TRIML2: variants seen among roughly 807,000 people sequenced by gnomAD.
TRIML2 encodes the protein probable E3 ubiquitin-protein ligase TRIML2.
TRIML2 carries 28 observed loss-of-function variants against 31.2 expected under a neutral mutation model. The observed-to-expected ratio is 0.90, with a 90% CI of 0.66 to 1.23. TRIML2 has a LOEUF of 1.23. Ranked by LOEUF, TRIML2 falls within the 50% of genes most tolerant of loss-of-function variation. The pLI is 0.00. For synonymous variants in TRIML2, 187 were observed against 197.5 expected (o/e 0.95, Z 0.45); for missense variants, 536 against 528.3 (o/e 1.01, Z -0.14).
chr4:188,095,437 C>A (rs923479998), intron 7 of TRIML2, among the ~76,000 whole-genome samples: 2 of 151,996 alleles, frequency 1.3e-5, no homozygotes, highest in African/African-American at 4.8e-5. Context: ...GACATACAAC[C>A]CAATTTAGAA....
chr4:188,107,189 T>C lies in TRIML2; in HGVS notation c.-222-1599A>G, dbSNP rs553951232. ...GAAACCACACCCAGCTAATTTTTTG[T>C]ATTTTTAGTAGAGACGGGGTTTCAC... On this transcript the variant is annotated intron_variant, in intron 1 of 7. Coordinates refer to ENST00000682553, the MANE Select transcript of TRIML2 (RefSeq NM_173553.4). Among the ~76,000 whole-genome samples the C allele has an allele frequency of 5.9e-5, 9 of 152,196 alleles. No homozygotes were observed. In the South Asian group the frequency reaches 1.9e-3, roughly 32 times the overall value.
chr4:188,091,926 T>G lies in TRIML2; in HGVS notation c.761A>C (p.Asp254Ala), dbSNP rs778973699. ...FRVLQRHLTL[D>A]PETAHPCLAL... is the part of the protein sequence containing the mutation. Reference sequence around the variant, plus strand: ...CAGGCAGGGATGAGCTGTTTCAGGATCCAATGTTAAATGTCCTATCAGGAG... The same window carrying G: ...CAGGCAGGGATGAGCTGTTTCAGGAGCCAATGTTAAATGTCCTATCAGGAG... Residue 254 changes from aspartate to alanine, a missense_variant, in exon 8 of 8, where the codon GAT (aspartate) becomes GCT (alanine). Physicochemically the swap from Asp to Ala is moderately radical, Grantham distance 126. Coordinates refer to ENST00000682553, the MANE Select transcript of TRIML2 (RefSeq NM_173553.4). 4 of 1,610,168 alleles carry G rather than the reference T, an allele frequency of 2.5e-6. No homozygotes were observed. Among genetic ancestry groups the G allele is most frequent in the Admixed American group, 3.3e-5 (2 of 59,990 alleles).
rs1210568275 is a variant in TRIML2, at chr4:188,101,130, G to C, written c.406C>G (p.Leu136Val). The change falls in exon 4 of 8, where the codon CTG becomes GTG. Residue 136 changes from leucine to valine, a missense_variant. Coordinates refer to ENST00000682553, the MANE Select transcript of TRIML2 (RefSeq NM_173553.4). ...GCTTGATTCAGAAGGGTTTCTCTCA[G>C]GTTCAAGTCAGATATGCATTCCTGC... ...RQQECISDLN[L>V]RETLLNQAIK... 6.2e-7 allele frequency: 1 copy of C among 1,613,772 alleles called. No homozygotes were observed. The highest frequency in any genetic ancestry group is 8.5e-7 in the Non-Finnish European group (1 of 1,179,920).
At chr4:188,092,033 T>G in intron 7 of TRIML2, 92 bp from the exon 8 acceptor site, 3 of 1,340,592 alleles carry the variant, frequency 2.2e-6, no homozygotes, top group Non-Finnish European at 3.0e-6. Context: ...TCCCACTGAG[T>G]GGGCACAAGT....
At chr4:188,097,297 C>A (rs768125420) in intron 6 of TRIML2, 27 bp downstream of exon 6, 2 of 1,612,950 alleles carry the variant, frequency 1.2e-6, no homozygotes, top group Non-Finnish European at 1.7e-6. Flanking sequence ...TGATTCTCAC[C>A]CAATTGTATC....
At chr4:188,107,216 G>A (rs1489533754) in intron 1 of TRIML2, among the ~76,000 whole-genome samples, 3 of 152,134 alleles carry the variant, frequency 2.0e-5, no homozygotes, top group South Asian at 2.1e-4. Flanking sequence ...GGGTTTCACC[G>A]TGTTGGCCAC....
intron 5 of TRIML2, among the ~76,000 whole-genome samples, chr4:188,097,780 C>T (rs1358293527): frequency 3.9e-5 from 6 of 152,068 alleles, no homozygotes; most frequent in East Asian, 1.9e-4. Context: ...TCCAGATGAG[C>T]GCATTCATTG....
chr4:188,109,021 G>GTGTCC (rs1400664701), intron 1 of TRIML2, among the ~76,000 whole-genome samples: 1 of 152,050 alleles, frequency 6.6e-6, no homozygotes, highest in African/African-American at 2.4e-5. Context: ...TAATGAGAGA[G>GTGTCC]GGACAGAGAC....
In TRIML2 at chr4:188,101,169, T is replaced by A; in HGVS notation, c.367A>T (p.Asn123Tyr). 1 of 1,613,856 alleles carries A rather than the reference T, an allele frequency of 6.2e-7. No individual in the cohort carries two copies. The highest frequency in any genetic ancestry group is 8.5e-7 in the Non-Finnish European group (1 of 1,179,960). The change falls in exon 4 of 8, where the codon AAT (asparagine) becomes TAT (tyrosine). Residue 123 changes from asparagine to tyrosine, a missense_variant. Asn to Tyr is a moderately radical substitution (Grantham distance 143). Coordinates refer to ENST00000682553, the MANE Select transcript of TRIML2 (RefSeq NM_173553.4). ...ATGCATTCCTGCTGTCTCTGGAGAT[T>A]CTGCTCACACTCTTCATTCAACAAC... is the stretch of plus-strand genomic sequence containing the variant. ...LRLLNEECEQ[N>Y]LQRQQECISD...
rs114596833 is a variant in TRIML2, at chr4:188,103,687, C to T, written c.285+1150G>A. ...AAAAAAAATTTTTTTAAACACTTCCCAGGTAACATACTATATATTAAACTT... is the reference window on the plus strand; with the variant it reads ...AAAAAAAATTTTTTTAAACACTTCCTAGGTAACATACTATATATTAAACTT... On this transcript the variant is annotated intron_variant, in intron 3 of 7. Transcript: ENST00000682553. Among the ~76,000 whole-genome samples, 583 of 152,258 alleles carry T rather than the reference C, an allele frequency of 3.8e-3. 2 individuals are homozygous for T. Among genetic ancestry groups the T allele is most frequent in the African/African-American group, 0.013 (528 of 41,554 alleles).
At position 188,101,098 on chromosome 4, in the gene TRIML2, C is replaced by A. The variant is rs1733764572; in HGVS notation, c.438G>T (p.Lys146Asn). The A allele has an allele frequency of 1.2e-6, 2 of 1,613,434 alleles. No homozygotes were observed. The highest frequency in any genetic ancestry group is 1.7e-6 in the Non-Finnish European group (2 of 1,179,758). ...LRETLLNQAI[K>N]LATELEEMFQ... ...ACATCTCCTCTAGCTCGGTGGCAAG[C>A]TTGATCGCTTGATTCAGAAGGGTTT... Residue 146 changes from lysine to asparagine, a missense_variant, in exon 4 of 8, where the codon AAG becomes AAT. Physicochemically the swap from Lys to Asn is moderately conservative, Grantham distance 94. Transcript: ENST00000682553.
At chr4:188,103,006 T>G (rs75246795) in intron 3 of TRIML2, among the ~76,000 whole-genome samples, 1,304 of 46,966 alleles carry the variant, frequency 0.028, 13 homozygotes, top group South Asian at 0.11. Flanking sequence ...ACTCTCTTGG[T>G]TTTTTTTTTT....
At chr4:188,109,030 A>G (rs949854116) in intron 1 of TRIML2, among the ~76,000 whole-genome samples, 1 of 152,098 alleles carries the variant, frequency 6.6e-6, no homozygotes, top group African/African-American at 2.4e-5. Context: ...AGGGACAGAG[A>G]CTAAATATTT....
intron 3 of TRIML2, among the ~76,000 whole-genome samples, chr4:188,102,227 A>G (rs1733829177): frequency 6.6e-6 from 1 of 151,998 alleles, no homozygotes; most frequent in African/African-American, 2.4e-5. Context: ...ACATTGGAAA[A>G]GGGCCAATGG....
intron 7 of TRIML2, among the ~76,000 whole-genome samples, chr4:188,096,461 G>T (rs539233832): frequency 3.4e-5 from 5 of 146,568 alleles, no homozygotes; most frequent in African/African-American, 1.3e-4. Flanking sequence ...GAACCCAGGA[G>T]GGGGAGGTTG....
chr4:188,098,070 C>A, intron 5 of TRIML2: 1 of 238,748 alleles, frequency 4.2e-6, no homozygotes, highest in Non-Finnish European at 8.5e-6. Flanking sequence ...TACAGTGAGC[C>A]GAAATTGCGC....
Position 188,104,866 on chromosome 4 carries a change from C to T in TRIML2, c.256G>A (p.Asp86Asn). 1 of 1,614,032 alleles carries T rather than the reference C, an allele frequency of 6.2e-7. No individual in the cohort carries two copies. The highest frequency in any genetic ancestry group is 1.7e-5 in the Admixed American group (1 of 59,994). ...KLEAAKSILT[D>N]EQERMAMIQE... ...ATCATCGCCATTCTTTCTTGCTCAT[C>T]AGTCAATATGCTTTTAGCTGCTTCA... The change falls in exon 3 of 8, where the codon GAT becomes AAT. Residue 86 changes from aspartate (D) to asparagine (N), a missense_variant. Coordinates refer to ENST00000682553, the MANE Select transcript of TRIML2 (RefSeq NM_173553.4).
rs566929646 is a variant in TRIML2, at chr4:188,099,535, G to C, written c.481-360C>G. 4.7e-5 allele frequency among the ~76,000 whole-genome samples: 7 copies of C among 148,414 alleles called. No individual in the cohort carries two copies. In the Admixed American group the frequency reaches 4.8e-4, roughly 10 times the overall value. ...GCCAAGATCGTGCCACTGCACTCCA[G>C]CCTGAATGACAGAGCAAGACTCCAA... On this transcript the variant is annotated intron_variant, in intron 4 of 7. Transcript: ENST00000682553.
At chr4:188,097,514 C>T (rs1323762575) in intron 5 of TRIML2, among the ~76,000 whole-genome samples, 168 bp from the exon 6 acceptor site, 1 of 152,136 alleles carries the variant, frequency 6.6e-6, no homozygotes, top group African/African-American at 2.4e-5. Flanking sequence ...CAGAAAAAGT[C>T]AGAAAAATGC....
Sources: allele counts gnomAD v4.1 joint callset (sites outside exome capture counted in the v4.1 genomes callset), GRCh38; gene constraint gnomAD v4.1.1; transcripts MANE v1.5; gene names NCBI Gene and HGNC (gene_info 2026-07-23, HGNC 2026-07-21).